BRIP1: variants seen among roughly 807,000 people sequenced by gnomAD.
BRIP1 encodes Fanconi anemia group J protein.
In BRIP1, 88 loss-of-function variants were observed where a neutral mutation model predicts 119.7. That is an observed-to-expected ratio of 0.74 (90% CI 0.62 to 0.88). BRIP1 has a LOEUF of 0.88. BRIP1 is among the 40% of genes least tolerant of loss of function. The probability of loss-of-function intolerance (pLI) is 0.00; values close to 1 mark genes in which losing one functional copy is unlikely to be tolerated. For missense variants in BRIP1, 1,259 were observed against 1,455.4 expected (o/e 0.87, Z 2.20); for synonymous variants, 443 against 496.5 (o/e 0.89, Z 1.43).
chr17:61,759,656 G>A lies in BRIP1; in HGVS notation c.2098-15065C>T, dbSNP rs1366976658. Among the ~76,000 whole-genome samples the A allele has an allele frequency of 1.3e-5, 2 of 151,998 alleles. No homozygotes were observed. The highest frequency in any genetic ancestry group is 1.3e-4 in the Admixed American group (2 of 15,256). On this transcript the variant is annotated intron_variant, in intron 14 of 19. Transcript: ENST00000259008. The surrounding 1 kb of genome is among the most constrained non-coding windows in gnomAD (Gnocchi z 4.9). ...ACAATAAAGCAAATATCACAATAAA[G>A]TGAGTCATACATTTTTGTTACCCAT... is the stretch of plus-strand genomic sequence containing the variant.
At position 61,799,047 on chromosome 17, in the gene BRIP1, CAT is replaced by C. The variant is rs2077944358; in HGVS notation, c.1340+51_1340+52del. On this transcript the variant is annotated intron_variant, in intron 9 of 19. Coordinates refer to ENST00000259008, the MANE Select transcript of BRIP1 (RefSeq NM_032043.3). The surrounding 1 kb of genome is among the most constrained non-coding windows in gnomAD (Gnocchi z 5.1). Reference sequence around the variant, plus strand: ...CTTTAAATACTCTGGCATAATCAAACATATTTTTCATATAAAGGCAGCACAAA... The same window carrying C: ...CTTTAAATACTCTGGCATAATCAAACATTTTTCATATAAAGGCAGCACAAA... 4 of 1,518,000 alleles carry C rather than the reference CAT, an allele frequency of 2.6e-6. No homozygotes were observed. In the South Asian group the frequency reaches 4.5e-5, roughly 17 times the overall value. 94.0% of individuals were successfully genotyped at this position (1,518,000 alleles called of 1,614,324 possible).
rs1040282279 is a variant in BRIP1 at position 61,709,426 on chromosome 17, G to A, written c.2492+6525C>T. Among the ~76,000 whole-genome samples the A allele has an allele frequency of 6.6e-6, 1 of 151,924 alleles. No individual in the cohort carries two copies. Among genetic ancestry groups the A allele is most frequent in the African/African-American group, 2.4e-5 (1 of 41,362 alleles). The stretch of plus-strand genomic sequence containing the variant: ...ACAAAAAAAATCTAAATTTTATAGG[G>A]CATTATTTTTTGATATTATTTTAAA... On this transcript the variant is annotated intron_variant, in intron 17 of 19. Coordinates refer to ENST00000259008, the MANE Select transcript of BRIP1 (RefSeq NM_032043.3). This position sits in a 1 kb window ranked among gnomAD's most constrained non-coding sequence, Gnocchi z 5.0.
intron 6 of BRIP1, among the ~76,000 whole-genome samples, chr17:61,812,571 C>T (rs1330456741): frequency 1.3e-5 from 2 of 151,098 alleles, no homozygotes; most frequent in African/African-American, 4.9e-5. Context: ...CAAGAAAACC[C>T]AACCCAAGTA....
At position 61,774,821 on chromosome 17, in the gene BRIP1, GTC is replaced by G. The variant is rs1220166753; in HGVS notation, c.2097+1578_2097+1579del. On this transcript the variant is annotated intron_variant, in intron 14 of 19. Coordinates refer to ENST00000259008, the MANE Select transcript of BRIP1 (RefSeq NM_032043.3). This position sits in a 1 kb window ranked among gnomAD's most constrained non-coding sequence, Gnocchi z 5.8. ...ACTAAAAAGTTATTTCAATGTTATA[GTC>G]TCTAGTCACCCAATTATAAATGTCT... 6.6e-6 allele frequency among the ~76,000 whole-genome samples: 1 copy of G among 152,046 alleles called. No homozygotes were observed. Among genetic ancestry groups the G allele is most frequent in the African/African-American group, 2.4e-5 (1 of 41,404 alleles).
At chr17:61,714,516 A>G (rs1329437587) in intron 17 of BRIP1, among the ~76,000 whole-genome samples, 2 of 152,204 alleles carry the variant, frequency 1.3e-5, no homozygotes, top group African/African-American at 4.8e-5. Flanking sequence ...TATATCATAT[A>G]GCCTATATGT....
In BRIP1 at chr17:61,758,520, G is replaced by A. The variant is rs778128451; in HGVS notation, c.2098-13929C>T. ...AAAGAAATTTTTTGGAGAAAGCATC[G>A]CTTCACAATCTAGTGAATAAGATCC... On this transcript the variant is annotated intron_variant, in intron 14 of 19. Coordinates refer to ENST00000259008, the MANE Select transcript of BRIP1 (RefSeq NM_032043.3). The surrounding 1 kb of genome is among the most constrained non-coding windows in gnomAD (Gnocchi z 5.3). 2.6e-5 allele frequency among the ~76,000 whole-genome samples: 4 copies of A among 152,104 alleles called. No individual in the cohort carries two copies. The highest frequency in any genetic ancestry group is 3.9e-4 in the East Asian group (2 of 5,194).
In BRIP1 at chr17:61,700,138, T is replaced by TA. The variant is rs2061591670; in HGVS notation, c.2493-6627_2493-6626insT. 6.6e-6 allele frequency among the ~76,000 whole-genome samples: 1 copy of TA among 152,130 alleles called. No individual in the cohort carries two copies. Among genetic ancestry groups the TA allele is most frequent in the African/African-American group, 2.4e-5 (1 of 41,442 alleles). ...CCAAGTGAATTGCTGAACCTGAAGG[T>TA]GGTCTTGGCAACCCACAAGACAATC... is the stretch of plus-strand genomic sequence containing the variant. On this transcript the variant is annotated intron_variant, in intron 17 of 19. Coordinates refer to ENST00000259008, the MANE Select transcript of BRIP1 (RefSeq NM_032043.3). This position sits in a 1 kb window ranked among gnomAD's most constrained non-coding sequence, Gnocchi z 4.1.
intron 16 of BRIP1, among the ~76,000 whole-genome samples, chr17:61,737,532 A>C (rs1284025676): frequency 6.6e-6 from 1 of 152,192 alleles, no homozygotes; most frequent in African/African-American, 2.4e-5. Context: ...AACAAAAAAA[A>C]CAGATAAACT....
rs2078059568 is a variant in BRIP1 at position 61,805,344 on chromosome 17, T to G, written c.918+3123A>C. On this transcript the variant is annotated intron_variant, in intron 7 of 19. Transcript: ENST00000259008. The surrounding 1 kb of genome is among the most constrained non-coding windows in gnomAD (Gnocchi z 5.6). Reference sequence around the variant, plus strand: ...TCCTCCAAAGTATTAAAAATAAAAATTAGGAGGAAAGGACTCATCTAACTA... The same window carrying G: ...TCCTCCAAAGTATTAAAAATAAAAAGTAGGAGGAAAGGACTCATCTAACTA... 6.6e-6 allele frequency among the ~76,000 whole-genome samples: 1 copy of G among 152,090 alleles called. No homozygotes were observed. The highest frequency in any genetic ancestry group is 1.5e-5 in the Non-Finnish European group (1 of 68,012).
At chr17:61,694,856 C>T (rs2061499195) in intron 17 of BRIP1, among the ~76,000 whole-genome samples, 1 of 151,044 alleles carries the variant, frequency 6.6e-6, no homozygotes, top group Non-Finnish European at 1.5e-5. Flanking sequence ...ATTATTGGTC[C>T]ATTTTTAATG....
At chr17:61,764,337 T>G (rs2077320144) in intron 14 of BRIP1, among the ~76,000 whole-genome samples, 1 of 152,212 alleles carries the variant, frequency 6.6e-6, no homozygotes, top group African/African-American at 2.4e-5. Context: ...TTACATTGTA[T>G]TCACATGTTA....
chr17:61,863,120 A>G (rs991779845), intron 1 of BRIP1, among the ~76,000 whole-genome samples, 164 bp downstream of exon 1: 2 of 151,766 alleles, frequency 1.3e-5, no homozygotes, highest in East Asian at 1.9e-4. Context: ...CCTGCGCTCA[A>G]AGGAGGTAAG....
Position 61,693,491 on chromosome 17 carries a change from A to G in BRIP1, c.2514T>C (p.Asp838=), listed in dbSNP as rs1555574808. The change falls in exon 18 of 20, where the codon GAT becomes GAC. Residue 838 remains aspartate, a synonymous_variant. Transcript: ENST00000259008. The surrounding 1 kb of genome is among the most constrained non-coding windows in gnomAD (Gnocchi z 4.2). ...ALGRCIRHRN[D]WGALILVDDR... ...CATCCACTAGAATAAGAGCTCCCCA[A>G]TCATTTCTGTGTCTAATACATCTAG... 1 of 1,613,146 alleles carries G rather than the reference A, an allele frequency of 6.2e-7. No individual in the cohort carries two copies. The highest frequency in any genetic ancestry group is 1.7e-5 in the Admixed American group (1 of 60,008).
chr17:61,813,513 T>C (rs1369482269), intron 6 of BRIP1, among the ~76,000 whole-genome samples: 5 of 152,106 alleles, frequency 3.3e-5, no homozygotes, highest in Non-Finnish European at 7.4e-5. Context: ...GCTTAAATGA[T>C]GTCCTAATTT....
chr17:61,783,663 A>G (rs573520850), intron 11 of BRIP1, among the ~76,000 whole-genome samples: 17 of 152,246 alleles, frequency 1.1e-4, no homozygotes, highest in Non-Finnish European at 2.9e-5. Flanking sequence ...CACAGTTCAT[A>G]CAATAAAAAA....
rs2076945556 is a variant in BRIP1 at position 61,738,325 on chromosome 17, C to A, written c.2379+4688G>T. On this transcript the variant is annotated intron_variant, in intron 16 of 19. Coordinates refer to ENST00000259008, the MANE Select transcript of BRIP1 (RefSeq NM_032043.3). The surrounding 1 kb of genome is among the most constrained non-coding windows in gnomAD (Gnocchi z 4.2). ...GCAATAAGAAATACACTTCCCAGTA[C>A]ATCTAGTAGTGCTGGTAAATAATTT... Among the ~76,000 whole-genome samples, 1 of 152,168 alleles carries A rather than the reference C, an allele frequency of 6.6e-6. No individual in the cohort carries two copies. The highest frequency in any genetic ancestry group is 2.4e-5 in the African/African-American group (1 of 41,454).
Position 61,798,124 on chromosome 17 carries a change from A to T in BRIP1, c.1340+976T>A, listed in dbSNP as rs1178640179. Among the ~76,000 whole-genome samples, 1 of 152,010 alleles carries T rather than the reference A, an allele frequency of 6.6e-6. No homozygotes were observed. Among genetic ancestry groups the T allele is most frequent in the Non-Finnish European group, 1.5e-5 (1 of 67,898 alleles). On this transcript the variant is annotated intron_variant, in intron 9 of 19. Transcript: ENST00000259008. This position sits in a 1 kb window ranked among gnomAD's most constrained non-coding sequence, Gnocchi z 5.5. ...TCATTATAGCAGTTTAAGAGCAAAA[A>T]ACTAGAAACAACCTCCTCTATTAAT... is the stretch of plus-strand genomic sequence containing the variant.
Position 61,767,914 on chromosome 17 carries a change from T to C in BRIP1, c.2097+8487A>G, listed in dbSNP as rs2077395209. ...CAGTAGAAATCTATCCACCTTTCTT[T>C]AATACCCACTGAAATATCAACCACC... On this transcript the variant is annotated intron_variant, in intron 14 of 19. Transcript: ENST00000259008. The surrounding 1 kb of genome is among the most constrained non-coding windows in gnomAD (Gnocchi z 5.7). 6.6e-6 allele frequency among the ~76,000 whole-genome samples: 1 copy of C among 152,178 alleles called. No individual in the cohort carries two copies. Among genetic ancestry groups the C allele is most frequent in the Admixed American group, 6.6e-5 (1 of 15,256 alleles).
chr17:61,808,537 C>T lies in BRIP1; in HGVS notation c.848G>A (p.Cys283Tyr), dbSNP rs771096783. 2.5e-6 allele frequency: 4 copies of T among 1,613,670 alleles called. No individual in the cohort carries two copies. Among genetic ancestry groups the T allele is most frequent in the East Asian group, 2.2e-5 (1 of 44,874 alleles). ...MTILSSRDHT[C>Y]VHPEVVGNFN... ...GTTACCGACTACCTCAGGATGGACACAAGTATGATCCCTGCTGGAAAGAAT... is the reference window on the plus strand; with the variant it reads ...GTTACCGACTACCTCAGGATGGACATAAGTATGATCCCTGCTGGAAAGAAT... The change falls in exon 7 of 20, where the codon TGT becomes TAT. Residue 283 changes from cysteine to tyrosine, a missense_variant. Cys to Tyr is a radical substitution (Grantham distance 194, BLOSUM62 -2). This residue lies in a region of BRIP1 where 501 missense variants were observed against 544.0 expected (regional missense o/e 0.92). Coordinates refer to ENST00000259008, the MANE Select transcript of BRIP1 (RefSeq NM_032043.3). The surrounding 1 kb of genome is among the most constrained non-coding windows in gnomAD (Gnocchi z 4.1).
Sources: allele counts gnomAD v4.1 joint callset (sites outside exome capture counted in the v4.1 genomes callset), GRCh38; gene constraint gnomAD v4.1.1; regional missense constraint gnomAD v4.1.1; non-coding constraint Gnocchi (gnomAD v3.1); transcripts MANE v1.5; gene names NCBI Gene and HGNC (gene_info 2026-07-23, HGNC 2026-07-21).